ERAP1: variants seen among roughly 807,000 people sequenced by gnomAD.
The protein encoded by ERAP1 is adipocyte-derived leucine aminopeptidase.
ERAP1 carries 86 observed loss-of-function variants against 103.7 expected under a neutral mutation model. That is an observed-to-expected ratio of 0.83 (90% confidence interval 0.70 to 0.99). The LOEUF (loss-of-function observed/expected upper bound fraction) is 0.99, where lower values mean the gene tolerates loss of function less well. Ranked by LOEUF, ERAP1 falls within the 50% of genes least tolerant of loss-of-function variation. ERAP1 has a pLI of 0.00. For synonymous variants in ERAP1, 398 were observed against 402.4 expected (o/e 0.99, Z 0.13); for missense variants, 1,009 against 1,128.4 (o/e 0.89, Z 1.52).
chr5:96,932,218 G>A, the ERAP1 span, among the ~76,000 whole-genome samples: 1 of 152,194 alleles, frequency 6.6e-6, no homozygotes, highest in Admixed American at 6.5e-5. Flanking sequence ...CGGTCCTTAG[G>A]GTGGCCGGAA....
chr5:96,896,099 A>G, the ERAP1 span, among the ~76,000 whole-genome samples: 7 of 152,180 alleles, frequency 4.6e-5, no homozygotes, highest in Non-Finnish European at 8.8e-5. Context: ...AATGGAAACC[A>G]TTATTTTATT....
chr5:96,819,779 T>C, the ERAP1 span, among the ~76,000 whole-genome samples: 1 of 152,220 alleles, frequency 6.6e-6, no homozygotes, highest in Non-Finnish European at 1.5e-5. Flanking sequence ...CCAAGCACCC[T>C]GCATATTCAG....
At chr5:96,922,167 A>G in the ERAP1 span, among the ~76,000 whole-genome samples, 1 of 152,112 alleles carries the variant, frequency 6.6e-6, no homozygotes, top group East Asian at 1.9e-4. Flanking sequence ...GCGCGGTGGC[A>G]GGCTCTTGTA....
rs1774067354 is a variant in ERAP1 at position 96,775,526 on chromosome 5, T to C, written c.*870A>G. The C allele has an allele frequency of 3.3e-6, 3 of 896,518 alleles. No individual in the cohort carries two copies. In the African/African-American group the frequency reaches 8.7e-5, roughly 26 times the overall value. The allele number at this position is 896,518 out of a possible 1,614,324, so 55.5% of individuals were successfully genotyped here. ...AGAGATACTGTACCAGTCAGGGAAA[T>C]AGATGACACTCACTCAGAATTATCT... On this transcript the variant is annotated 3_prime_UTR_variant, in exon 19 of 19. Coordinates refer to ENST00000443439, the MANE Select transcript of ERAP1 (RefSeq NM_001040458.3).
At chr5:96,862,099 G>C in the ERAP1 span, among the ~76,000 whole-genome samples, 1 of 152,144 alleles carries the variant, frequency 6.6e-6, no homozygotes, top group Non-Finnish European at 1.5e-5. Context: ...TCTTGGCTCA[G>C]CCTCCCAAGA....
chr5:96,784,174 G>A, intron 13 of ERAP1, 94 bp from the exon 14 acceptor site: 2 of 1,336,628 alleles, frequency 1.5e-6, no homozygotes, highest in South Asian at 2.4e-5. Context: ...AGCAAAACAA[G>A]CAATCAGATA....
the ERAP1 span, chr5:96,880,331 A>T: frequency 7.8e-7 from 1 of 1,275,834 alleles, no homozygotes; most frequent in Non-Finnish European, 1.1e-6. Context: ...CTTTGCCAGG[A>T]GCAGACTTCA....
intron 3 of ERAP1, among the ~76,000 whole-genome samples, chr5:96,799,763 T>G (rs77530272): frequency 2.6e-5 from 4 of 152,320 alleles, no homozygotes; most frequent in Admixed American, 1.3e-4. Flanking sequence ...ATTAGGAAAA[T>G]AGCATAATTG....
chr5:96,780,648 A>C, intron 17 of ERAP1, 144 bp from the exon 18 acceptor site: 1 of 715,966 alleles, frequency 1.4e-6, no homozygotes, highest in Non-Finnish European at 2.5e-6. Context: ...CAATGGGTTA[A>C]GATCTAGCTG....
chr5:96,906,023 G>T, the ERAP1 span, among the ~76,000 whole-genome samples: 1 of 140,060 alleles, frequency 7.1e-6, no homozygotes, highest in Non-Finnish European at 1.5e-5. Context: ...AAGCACTTCT[G>T]CTCAGCCTCG....
At chr5:96,873,875 G>A in the ERAP1 span, among the ~76,000 whole-genome samples, 1 of 151,936 alleles carries the variant, frequency 6.6e-6, no homozygotes. Context: ...ACATAATGAA[G>A]TATAAGGAAC....
the ERAP1 span, among the ~76,000 whole-genome samples, chr5:96,908,734 T>C: frequency 6.6e-6 from 1 of 152,196 alleles, no homozygotes; most frequent in African/African-American, 2.4e-5. Context: ...ATGAGGAAGA[T>C]AGTATTATTA....
the ERAP1 span, among the ~76,000 whole-genome samples, chr5:96,904,907 T>C: frequency 6.6e-6 from 1 of 152,212 alleles, no homozygotes; most frequent in East Asian, 1.9e-4. Flanking sequence ...AGAATACAAA[T>C]TTTATATGAA....
At chr5:96,811,186 C>T (rs1351083556), upstream of ERAP1, among the ~76,000 whole-genome samples, 1 of 152,128 alleles carries the variant, frequency 6.6e-6, no homozygotes, top group Non-Finnish European at 1.5e-5. Flanking sequence ...TGCCAAGTTG[C>T]AGAGCAGGCT....
the ERAP1 span, among the ~76,000 whole-genome samples, chr5:96,856,491 A>G: frequency 4.0e-5 from 6 of 151,144 alleles, no homozygotes; most frequent in East Asian, 9.7e-4. Context: ...ATTTGACACC[A>G]ACCTCTGCTT....
the ERAP1 span, among the ~76,000 whole-genome samples, chr5:96,831,973 A>C: frequency 3.9e-5 from 6 of 152,236 alleles, no homozygotes; most frequent in Non-Finnish European, 7.3e-5. Context: ...ATTTTGAGAT[A>C]AAGTAATTAG....
At chr5:96,834,764 T>G in the ERAP1 span, among the ~76,000 whole-genome samples, 1 of 152,214 alleles carries the variant, frequency 6.6e-6, no homozygotes, top group African/African-American at 2.4e-5. Flanking sequence ...GAATAACATT[T>G]CTATTTCACT....
At chr5:96,780,040 G>A (rs1029427048) in intron 18 of ERAP1, among the ~76,000 whole-genome samples, 8 of 152,236 alleles carry the variant, frequency 5.3e-5, no homozygotes, top group South Asian at 4.1e-4. Flanking sequence ...AGGGAACCAT[G>A]AACTTGGATG....
At chr5:96,904,358 C>T in the ERAP1 span, among the ~76,000 whole-genome samples, 1 of 152,198 alleles carries the variant, frequency 6.6e-6, no homozygotes, top group East Asian at 1.9e-4. Context: ...TACTGTGATG[C>T]ACTCACTTTA....
Sources: allele counts gnomAD v4.1 joint callset (sites outside exome capture counted in the v4.1 genomes callset), GRCh38; gene constraint gnomAD v4.1.1; transcripts MANE v1.5; gene names NCBI Gene and HGNC (gene_info 2026-07-23, HGNC 2026-07-21).